BIRC6: variants seen among roughly 807,000 people sequenced by gnomAD.
The protein encoded by BIRC6 is dual E2 ubiquitin-conjugating enzyme/E3 ubiquitin-protein ligase BIRC6.
A neutral mutation model predicts 503.3 loss-of-function variants in BIRC6; 98 were observed. The ratio of observed to expected loss-of-function variants is 0.19; its 90% CI spans 0.17 to 0.23. The LOEUF (loss-of-function observed/expected upper bound fraction) is 0.23, where lower values mean the gene tolerates loss of function less well. Among genes scored for constraint, BIRC6 ranks in the 10% least tolerant of loss-of-function variants. The probability of loss-of-function intolerance (pLI) is 1.00; values close to 1 mark genes in which losing one functional copy is unlikely to be tolerated. For missense variants in BIRC6, 5,360 were observed against 5,806.0 expected (o/e 0.92, Z 2.50); for synonymous variants, 2,240 against 2,078.7 (o/e 1.08, Z -2.11).
chr2:32,435,048 T>C (rs924760882), intron 13 of BIRC6, among the ~76,000 whole-genome samples: 2 of 152,150 alleles, frequency 1.3e-5, no homozygotes, highest in Non-Finnish European at 2.9e-5. Context: ...CCCCCACAGA[T>C]ACTGAGGGAT....
At chr2:32,449,824 G>T (rs2046483746) in intron 22 of BIRC6, among the ~76,000 whole-genome samples, 1 of 152,200 alleles carries the variant, frequency 6.6e-6, no homozygotes, top group Non-Finnish European at 1.5e-5. Flanking sequence ...CGTTAATATA[G>T]TTTCTAATGA....
intron 54 of BIRC6, among the ~76,000 whole-genome samples, chr2:32,514,784 A>T (rs768022463): frequency 6.6e-6 from 1 of 152,154 alleles, no homozygotes; most frequent in Non-Finnish European, 1.5e-5. Context: ...CTCAACTTGC[A>T]TTGTACCTAC....
intron 1 of BIRC6, among the ~76,000 whole-genome samples, chr2:32,367,851 A>G (rs1323016663): frequency 6.6e-6 from 1 of 152,106 alleles, no homozygotes; most frequent in Non-Finnish European, 1.5e-5. Flanking sequence ...AGTAATTATC[A>G]TCAGGTTTGA....
At chr2:32,409,704 T>C (rs2149892199) in intron 9 of BIRC6, among the ~76,000 whole-genome samples, 1 of 152,302 alleles carries the variant, frequency 6.6e-6, no homozygotes, top group East Asian at 1.9e-4. Context: ...TAAAACCTAA[T>C]TGCTTACCTG....
Position 32,470,184 on chromosome 2 carries a change from T to G in BIRC6, c.6364T>G (p.Ser2122Ala), listed in dbSNP as rs2048966741. Residue 2122 changes from serine to alanine, a missense_variant, in exon 31 of 74, where the codon TCC becomes GCC. Coordinates refer to ENST00000421745, the MANE Select transcript of BIRC6 (RefSeq NM_016252.4). ...TGTTTTTAGGGTCTTCATGTTACTTTCCTGCATTGGTCAAAGATCACTTAG... is the reference window on the plus strand; with the variant it reads ...TGTTTTTAGGGTCTTCATGTTACTTGCCTGCATTGGTCAAAGATCACTTAG... ...FPQDRVFMLL[S>A]CIGQRSLSNS... 6.4e-7 allele frequency: 1 copy of G among 1,560,178 alleles called. No individual in the cohort carries two copies. Among genetic ancestry groups the G allele is most frequent in the East Asian group, 2.3e-5 (1 of 43,430 alleles).
chr2:32,504,274 T>A (rs553998369), intron 49 of BIRC6, among the ~76,000 whole-genome samples: 5 of 152,292 alleles, frequency 3.3e-5, no homozygotes, highest in Admixed American at 2.0e-4. Context: ...TAGTTTCTTT[T>A]AAATTTTTCT....
chr2:32,411,116 G>A (rs922499803), intron 9 of BIRC6, among the ~76,000 whole-genome samples: 2 of 151,814 alleles, frequency 1.3e-5, no homozygotes, highest in Non-Finnish European at 2.9e-5. Context: ...TTGGCTCACT[G>A]CAACCTCTGC....
chr2:32,537,312 C>G (rs10193023), intron 61 of BIRC6, among the ~76,000 whole-genome samples: 53,693 of 151,932 alleles, frequency 0.35, 9,965 homozygotes, highest in Non-Finnish European at 0.42. Context: ...AATATACATT[C>G]TTTTCAACAC....
chr2:32,373,589 A>G (rs1447939155), intron 1 of BIRC6, among the ~76,000 whole-genome samples: 1 of 152,136 alleles, frequency 6.6e-6, no homozygotes, highest in Non-Finnish European at 1.5e-5. Flanking sequence ...AACGGAGAAT[A>G]AGTGTTGGTG....
At chr2:32,559,609 C>T (rs191509227) in intron 65 of BIRC6, among the ~76,000 whole-genome samples, 1 of 151,802 alleles carries the variant, frequency 6.6e-6, no homozygotes, top group African/African-American at 2.4e-5. Context: ...TTGCTGACCA[C>T]CGGTACACAT....
chr2:32,569,230 C>T (rs571031463), intron 65 of BIRC6, among the ~76,000 whole-genome samples: 23 of 152,244 alleles, frequency 1.5e-4, no homozygotes, highest in African/African-American at 5.3e-4. Flanking sequence ...CCCTAGTGAT[C>T]TCCCCACCTC....
At chr2:32,569,572 A>G (rs889591283) in intron 65 of BIRC6, among the ~76,000 whole-genome samples, 1 of 151,120 alleles carries the variant, frequency 6.6e-6, no homozygotes, top group Non-Finnish European at 1.5e-5. Context: ...AGGTCTTACT[A>G]TGTTGTTCAG....
chr2:32,556,817 T>C (rs2058813064), intron 65 of BIRC6, among the ~76,000 whole-genome samples: 1 of 152,096 alleles, frequency 6.6e-6, no homozygotes. Flanking sequence ...CGGGCACCTG[T>C]AGTCCCAGCT....
chr2:32,544,463 G>A lies in BIRC6; in HGVS notation c.12592+922G>A, dbSNP rs905193428. Among the ~76,000 whole-genome samples, 6 of 149,344 alleles carry A rather than the reference G, an allele frequency of 4.0e-5. No homozygotes were observed. The East Asian group carries it at 7.8e-4, about 19-fold the overall frequency. On this transcript the variant is annotated intron_variant, in intron 62 of 73. Transcript: ENST00000421745. ...ACAAGTAGATTTTCATTTGGGTGACGTCTGCATTTTCTTTTTTCTTTCTTC... is the reference window on the plus strand; with the variant it reads ...ACAAGTAGATTTTCATTTGGGTGACATCTGCATTTTCTTTTTTCTTTCTTC...
intron 61 of BIRC6, among the ~76,000 whole-genome samples, chr2:32,534,718 A>G (rs1270727184): frequency 1.4e-5 from 2 of 139,356 alleles, no homozygotes; most frequent in African/African-American, 2.8e-5. Context: ...GTGACAGAGC[A>G]AGACTCTGTC....
chr2:32,377,209 A>T (rs931673859), intron 1 of BIRC6, among the ~76,000 whole-genome samples: 10 of 141,144 alleles, frequency 7.1e-5, no homozygotes, highest in Non-Finnish European at 1.5e-4. Flanking sequence ...TTCCCTTAAT[A>T]TATATGTGTG....
intron 1 of BIRC6, among the ~76,000 whole-genome samples, chr2:32,363,728 TC>T (rs1361872188): frequency 2.0e-5 from 3 of 152,198 alleles, no homozygotes; most frequent in African/African-American, 7.2e-5. Context: ...AGCTTCCTCA[TC>T]TGTAAATTAA....
At chr2:32,394,989 A>C (rs1405201242) in intron 5 of BIRC6, among the ~76,000 whole-genome samples, 1 of 152,100 alleles carries the variant, frequency 6.6e-6, no homozygotes, top group Non-Finnish European at 1.5e-5. Flanking sequence ...TCTCTACTAA[A>C]AATACAAAAA....
chr2:32,401,702 TAAA>T, intron 8 of BIRC6, 79 bp downstream of exon 8: 1 of 1,288,108 alleles, frequency 7.8e-7, no homozygotes, highest in Non-Finnish European at 1.1e-6. Context: ...TTCTAATAAT[TAAA>T]GAGGAGGAAA....
Sources: allele counts gnomAD v4.1 joint callset (sites outside exome capture counted in the v4.1 genomes callset), GRCh38; gene constraint gnomAD v4.1.1; transcripts MANE v1.5; gene names NCBI Gene and HGNC (gene_info 2026-07-23, HGNC 2026-07-21).